The following MAPK8 variants were observed in gnomAD, a reference collection of about 807,000 sequenced individuals.
The protein encoded by MAPK8 is JUN N-terminal kinase.
Under a neutral mutation model 52.9 loss-of-function variants are expected in MAPK8, and 13 were observed. That is an observed-to-expected ratio of 0.25 (90% CI 0.16 to 0.39). The LOEUF is 0.39. Among genes scored for constraint, MAPK8 ranks in the 10% least tolerant of loss-of-function variants. The pLI is 1.00. For missense variants in MAPK8, 300 were observed against 519.2 expected (o/e 0.58, Z 4.10); for synonymous variants, 191 against 169.8 (o/e 1.12, Z -0.97).
rs1461306986 is a variant in MAPK8 at position 48,352,006 on chromosome 10, T to C, written c.-50+45185T>C. Among the ~76,000 whole-genome samples the C allele has an allele frequency of 3.1e-4, 47 of 152,196 alleles. 1 individual carries two copies. The highest frequency in any genetic ancestry group is 3.1e-3 in the Admixed American group (47 of 15,284). Reference sequence around the variant, plus strand: ...CTGGAGCCTGTGGACATGAAAAGGATACTATTTTTAAAAATCTACAGAAAT... The same window carrying C: ...CTGGAGCCTGTGGACATGAAAAGGACACTATTTTTAAAAATCTACAGAAAT... On this transcript the variant is annotated intron_variant, in intron 1 of 11. Transcript: ENST00000374189.
At position 48,317,233 on chromosome 10, in the gene MAPK8, G is replaced by C. The variant is rs530299020; in HGVS notation, c.-50+10412G>C. On this transcript the variant is annotated intron_variant, in intron 1 of 11. Coordinates refer to ENST00000374189, the MANE Select transcript of MAPK8 (RefSeq NM_001323329.2). ...CTGTTGCCCAGGCTGGAGTGCAGTGGTGTGATCGTAGATCACTGCAGCCTT... is the reference window on the plus strand; with the variant it reads ...CTGTTGCCCAGGCTGGAGTGCAGTGCTGTGATCGTAGATCACTGCAGCCTT... Among the ~76,000 whole-genome samples the C allele has an allele frequency of 2.5e-4, 38 of 152,262 alleles. No homozygotes were observed. The East Asian group carries it at 3.7e-3, about 15-fold the overall frequency.
intron 1 of MAPK8, among the ~76,000 whole-genome samples, chr10:48,388,689 TTAA>T (rs1437841962): frequency 1.3e-5 from 2 of 152,216 alleles, no homozygotes; most frequent in Non-Finnish European, 1.5e-5. Context: ...TAATTTCTCT[TTAA>T]TAATATGCCC....
chr10:48,320,141 C>G (rs1190008563), intron 1 of MAPK8, among the ~76,000 whole-genome samples: 1 of 148,414 alleles, frequency 6.7e-6, no homozygotes, highest in Non-Finnish European at 1.5e-5. Context: ...GTGTTGAACT[C>G]CTGACCTCAG....
chr10:48,386,664 T>C (rs374853538), intron 1 of MAPK8, among the ~76,000 whole-genome samples: 2 of 152,200 alleles, frequency 1.3e-5, no homozygotes, highest in East Asian at 3.9e-4. Flanking sequence ...TGTTATTGTT[T>C]AAACAGTAGC....
chr10:48,385,023 A>AAGGT (rs2041226984), intron 1 of MAPK8, among the ~76,000 whole-genome samples: 1 of 152,218 alleles, frequency 6.6e-6, no homozygotes, highest in African/African-American at 2.4e-5. Context: ...TGATTGCAAA[A>AAGGT]AGGTATTCAT....
chr10:48,417,564 A>G (rs2043131863), intron 5 of MAPK8, among the ~76,000 whole-genome samples: 3 of 152,186 alleles, frequency 2.0e-5, no homozygotes, highest in South Asian at 2.1e-4. Context: ...GGCTTGTCCC[A>G]TATTCAGGTT....
At position 48,324,503 on chromosome 10, in the gene MAPK8, G is replaced by GTTTTTTTTTTTTTTTTTTT. The variant is rs370766776; in HGVS notation, c.-50+17699_-50+17700insTTTTTTTTTTTTTTTTTTT. ...TATACAACAGTTGTCCTGTTTTCTA[G>GTTTTTTTTTTTTTTTTTTT]TTTTTTTTTTTTTTTTTACACTCAT... On this transcript the variant is annotated intron_variant, in intron 1 of 11. Transcript: ENST00000374189. 2.1e-4 allele frequency among the ~76,000 whole-genome samples: 25 copies of GTTTTTTTTTTTTTTTTTTT among 118,000 alleles called. 1 individual carries two copies. The highest frequency in any genetic ancestry group is 2.7e-4 in the Non-Finnish European group (16 of 59,904). 77.4% of individuals were successfully genotyped at this position (118,000 alleles called of 152,430 possible). A position where few individuals can be genotyped will look rare whatever the true frequency, so the allele number is the denominator to read the frequency against.
At chr10:48,315,898 C>T (rs1426053199) in intron 1 of MAPK8, among the ~76,000 whole-genome samples, 1 of 151,378 alleles carries the variant, frequency 6.6e-6, no homozygotes, top group Non-Finnish European at 1.5e-5. Flanking sequence ...TATAGTTTTC[C>T]TCCATTATAT....
chr10:48,373,438 T>G (rs1478685307), intron 1 of MAPK8, among the ~76,000 whole-genome samples: 1 of 151,354 alleles, frequency 6.6e-6, no homozygotes, highest in African/African-American at 2.4e-5. Flanking sequence ...AGACACAGAC[T>G]CACAGACTGG....
intron 5 of MAPK8, among the ~76,000 whole-genome samples, chr10:48,413,490 G>T (rs2042871273): frequency 6.6e-6 from 1 of 151,842 alleles, no homozygotes; most frequent in Admixed American, 6.6e-5. Flanking sequence ...GTGTGAGGTG[G>T]TTTCCTGTTT....
At chr10:48,381,632 A>G (rs948979569) in intron 1 of MAPK8, among the ~76,000 whole-genome samples, 1 of 152,186 alleles carries the variant, frequency 6.6e-6, no homozygotes, top group African/African-American at 2.4e-5. Flanking sequence ...TTGTTTATTA[A>G]CAGATCTAAA....
At chr10:48,321,982 G>A (rs1843044410) in intron 1 of MAPK8, among the ~76,000 whole-genome samples, 2 of 152,186 alleles carry the variant, frequency 1.3e-5, no homozygotes, top group African/African-American at 4.8e-5. Context: ...AATGGGTTAT[G>A]TTGGAAAATG....
chr10:48,316,842 G>A (rs1842549157), intron 1 of MAPK8, among the ~76,000 whole-genome samples: 1 of 152,082 alleles, frequency 6.6e-6, no homozygotes, highest in African/African-American at 2.4e-5. Context: ...AAAAGCTAAG[G>A]CAGTTTTCTA....
At chr10:48,319,918 TC>T (rs1268803810) in intron 1 of MAPK8, among the ~76,000 whole-genome samples, 1 of 151,862 alleles carries the variant, frequency 6.6e-6, no homozygotes, top group East Asian at 2.0e-4. Flanking sequence ...TGTTTTTTTT[TC>T]TTTTCTTTTT....
chr10:48,344,618 T>A (rs1845597527), intron 1 of MAPK8, among the ~76,000 whole-genome samples: 2 of 152,234 alleles, frequency 1.3e-5, no homozygotes, highest in Admixed American at 1.3e-4. Flanking sequence ...GCAAGATTAA[T>A]CTTCTTGAGT....
At chr10:48,361,389 T>C (rs1847509820) in intron 1 of MAPK8, among the ~76,000 whole-genome samples, 1 of 152,166 alleles carries the variant, frequency 6.6e-6, no homozygotes, top group Non-Finnish European at 1.5e-5. Context: ...TTCCTTATGT[T>C]CTCAGCTGTT....
chr10:48,387,604 T>C (rs1231896088), intron 1 of MAPK8, among the ~76,000 whole-genome samples: 2 of 152,168 alleles, frequency 1.3e-5, no homozygotes, highest in Admixed American at 1.3e-4. Flanking sequence ...CTTTTGAATA[T>C]CCAGCTGTAC....
chr10:48,431,547 G>A (rs2133334227), intron 11 of MAPK8, among the ~76,000 whole-genome samples: 1 of 152,200 alleles, frequency 6.6e-6, no homozygotes, highest in South Asian at 2.1e-4. Flanking sequence ...TCTTTAAAGA[G>A]GAAACTTCTC....
At chr10:48,363,730 G>A (rs952689927) in intron 1 of MAPK8, among the ~76,000 whole-genome samples, 5 of 152,114 alleles carry the variant, frequency 3.3e-5, no homozygotes, top group African/African-American at 1.2e-4. Flanking sequence ...CACCACTTTG[G>A]CAGCTCAGAT....
Sources: allele counts gnomAD v4.1 joint callset (sites outside exome capture counted in the v4.1 genomes callset), GRCh38; gene constraint gnomAD v4.1.1; transcripts MANE v1.5; gene names NCBI Gene and HGNC (gene_info 2026-07-23, HGNC 2026-07-21).